Variants in CDC5L observed in about 807,000 individuals in gnomAD.
CDC5L encodes cell division cycle 5 like, also known as cell division cycle 5-like protein.
In CDC5L, 18 loss-of-function variants were observed where a neutral mutation model predicts 104.1. The observed-to-expected ratio is 0.17, with a 90% CI of 0.12 to 0.26. The LOEUF (loss-of-function observed/expected upper bound fraction) is 0.26. CDC5L is among the 10% of genes least tolerant of loss of function. The probability of loss-of-function intolerance (pLI) is 1.00; values close to 1 mark genes in which losing one functional copy is unlikely to be tolerated. For synonymous variants in CDC5L, 331 were observed against 322.7 expected (o/e 1.03, Z -0.28); for missense variants, 673 against 956.9 (o/e 0.70, Z 3.91).
intron 6 of CDC5L, among the ~76,000 whole-genome samples, chr6:44,404,819 A>G (rs763124582): frequency 3.9e-5 from 6 of 152,064 alleles, no homozygotes; most frequent in African/African-American, 7.2e-5. Context: ...CAACCTCTCA[A>G]GTAGCTGGGA....
At chr6:44,443,569 T>C (rs1244811357) in intron 14 of CDC5L, among the ~76,000 whole-genome samples, 1 of 151,630 alleles carries the variant, frequency 6.6e-6, no homozygotes, top group Non-Finnish European at 1.5e-5. Context: ...TGGTTTCCAG[T>C]GACCTGTCTT....
intron 8 of CDC5L, among the ~76,000 whole-genome samples, chr6:44,411,627 A>T (rs925373857): frequency 3.7e-4 from 2 of 5,382 alleles, no homozygotes; most frequent in Non-Finnish European, 9.8e-4. Context: ...AGAGAGAGAG[A>T]GAGAGAGAGA....
At chr6:44,436,287 C>T (rs954396707) in intron 14 of CDC5L, among the ~76,000 whole-genome samples, 1 of 152,092 alleles carries the variant, frequency 6.6e-6, no homozygotes. Flanking sequence ...TTTAAACAAT[C>T]GGGTGGCTAA....
intron 8 of CDC5L, among the ~76,000 whole-genome samples, chr6:44,415,857 A>G (rs1791883513): frequency 1.3e-5 from 2 of 152,216 alleles, no homozygotes; most frequent in African/African-American, 4.8e-5. Flanking sequence ...AGTAAAATAA[A>G]TGTCTACTAA....
chr6:44,445,421 G>T (rs1256716538), intron 14 of CDC5L, among the ~76,000 whole-genome samples: 1 of 152,026 alleles, frequency 6.6e-6, no homozygotes, highest in East Asian at 1.9e-4. Flanking sequence ...TTCAATCGTG[G>T]GTCAAATTAT....
At chr6:44,404,184 G>T (rs1791258727) in intron 6 of CDC5L, among the ~76,000 whole-genome samples, 157 bp downstream of exon 6, 1 of 151,284 alleles carries the variant, frequency 6.6e-6, no homozygotes, top group Non-Finnish European at 1.5e-5. Context: ...TTGCTGTGTT[G>T]CCCAGGCTGG....
chr6:44,441,323 C>T (rs1793176855), intron 14 of CDC5L, among the ~76,000 whole-genome samples: 1 of 152,148 alleles, frequency 6.6e-6, no homozygotes, highest in Non-Finnish European at 1.5e-5. Context: ...ACAGGATTTC[C>T]TGTTTTTTAA....
intron 5 of CDC5L, among the ~76,000 whole-genome samples, chr6:44,399,140 A>G (rs1041884545): frequency 2.0e-5 from 3 of 152,186 alleles, no homozygotes; most frequent in Non-Finnish European, 4.4e-5. Flanking sequence ...TTTTGTTGAG[A>G]CGGAGTCTCG....
chr6:44,449,941 T>G lies in CDC5L; in HGVS notation c.*3230T>G, dbSNP rs566544611. 1 of 151,084 alleles carries G rather than the reference T, an allele frequency of 6.6e-6. No homozygotes were observed. The highest frequency in any genetic ancestry group is 2.0e-4 in the East Asian group (1 of 5,082). The allele number at this position is 151,084 out of a possible 1,614,324, so 9.4% of individuals were successfully genotyped here. On this transcript the variant is annotated 3_prime_UTR_variant, in exon 16 of 16. Coordinates refer to ENST00000371477, the MANE Select transcript of CDC5L (RefSeq NM_001253.4). ...GTGCAGTAGTGCAATCTTGGCCCAC[T>G]GCAACCTCTGCCTCCTGGGCTCGAG...
rs490814 is a variant in CDC5L, at chr6:44,436,918, C to G, written c.2091+7008C>G. ...ATCAAGTGTCGGTCTACTTTAAATT[C>G]CTATCAGTGATAGTGAACTTCATTT... On this transcript the variant is annotated intron_variant, in intron 14 of 15. Transcript: ENST00000371477. Among the ~76,000 whole-genome samples, 957 of 152,254 alleles carry G rather than the reference C, an allele frequency of 6.3e-3. 9 individuals are homozygous for G. The highest frequency in any genetic ancestry group is 0.022 in the African/African-American group (901 of 41,534).
chr6:44,424,487 A>T lies in CDC5L; in HGVS notation c.1473A>T (p.Glu491Asp). 1 of 1,614,036 alleles carries T rather than the reference A, an allele frequency of 6.2e-7. No homozygotes were observed. The highest frequency in any genetic ancestry group is 8.5e-7 in the Non-Finnish European group (1 of 1,179,934). ...LGLPAPKNDF[E>D]IVLPENAEKE... Reference sequence around the variant, plus strand: ...TTCCTGCCCCTAAGAATGATTTTGAAATTGTTCTACCAGAAAATGCCGAGA... The same window carrying T: ...TTCCTGCCCCTAAGAATGATTTTGATATTGTTCTACCAGAAAATGCCGAGA... The change falls in exon 11 of 16, where the codon GAA (glutamate) becomes GAT (aspartate). Residue 491 changes from glutamate to aspartate, a missense_variant. Glu to Asp is a conservative substitution (Grantham distance 45, BLOSUM62 2). Transcript: ENST00000371477.
rs1416639157 is a variant in CDC5L, at chr6:44,392,607, G to C, written c.150-60G>C. ...GAGCACAAGTCAGTGTATCCATTGT[G>C]CAAATTGGATATTTATGCCAGGTAA... On this transcript the variant is annotated intron_variant, in intron 2 of 15. Transcript: ENST00000371477. 8 of 1,473,832 alleles carry C rather than the reference G, an allele frequency of 5.4e-6. No individual in the cohort carries two copies. In the South Asian group the frequency reaches 9.5e-5, roughly 18 times the overall value. The allele number at this position is 1,473,832 out of a possible 1,614,324, so 91.3% of individuals were successfully genotyped here.
intron 5 of CDC5L, among the ~76,000 whole-genome samples, chr6:44,401,682 T>G (rs1791133196): frequency 1.3e-5 from 2 of 151,790 alleles, no homozygotes; most frequent in Admixed American, 1.3e-4. Flanking sequence ...ACTTTAAGTT[T>G]TAGGGTACAT....
chr6:44,427,903 G>C (rs1251383940), intron 13 of CDC5L, among the ~76,000 whole-genome samples: 1 of 152,210 alleles, frequency 6.6e-6, no homozygotes, highest in African/African-American at 2.4e-5. Flanking sequence ...TGCTTTTGGA[G>C]ATTCTGTAGA....
intron 8 of CDC5L, among the ~76,000 whole-genome samples, chr6:44,412,395 T>G (rs982832011): frequency 1.3e-5 from 2 of 151,684 alleles, no homozygotes; most frequent in African/African-American, 4.8e-5. Flanking sequence ...CCAGACAGTT[T>G]TTTTACTTTT....
intron 14 of CDC5L, among the ~76,000 whole-genome samples, chr6:44,440,158 A>C (rs998718419): frequency 9.2e-5 from 14 of 152,164 alleles, no homozygotes; most frequent in African/African-American, 3.4e-4. Context: ...CATTTAAATT[A>C]ATTTTAGATC....
intron 5 of CDC5L, among the ~76,000 whole-genome samples, chr6:44,398,478 A>C (rs1790972231): frequency 6.6e-6 from 1 of 151,170 alleles, no homozygotes; most frequent in African/African-American, 2.4e-5. Flanking sequence ...ATTCTTGTAG[A>C]ATCTACACAT....
intron 5 of CDC5L, among the ~76,000 whole-genome samples, chr6:44,399,506 C>T (rs1289253396): frequency 6.6e-6 from 1 of 152,194 alleles, no homozygotes; most frequent in Non-Finnish European, 1.5e-5. Context: ...CCACATATTT[C>T]TCTGAGGCTC....
At chr6:44,427,802 T>C (rs1184889269) in intron 13 of CDC5L, among the ~76,000 whole-genome samples, 1 of 152,150 alleles carries the variant, frequency 6.6e-6, no homozygotes, top group African/African-American at 2.4e-5. Context: ...AGTTTCCTCT[T>C]TTGAAAGTGA....
Sources: gnomAD v4.1 joint callset for allele counts (sites outside exome capture counted in the v4.1 genomes callset) on GRCh38, gnomAD v4.1.1 for gene constraint, MANE v1.5 for transcripts, NCBI Gene and HGNC (gene_info 2026-07-23, HGNC 2026-07-21) for gene names.